Variants in CDC42BPA observed in about 807,000 individuals in gnomAD.
CDC42BPA encodes CDC42 binding protein kinase alpha.
CDC42BPA carries 80 observed loss-of-function variants against 223.5 expected under a neutral mutation model. The observed-to-expected ratio is 0.36, with a 90% CI of 0.30 to 0.43. The LOEUF is 0.43. Among genes scored for constraint, CDC42BPA ranks in the 20% least tolerant of loss-of-function variants. CDC42BPA has a pLI of 1.00. For synonymous variants in CDC42BPA, 694 were observed against 718.6 expected, an observed-to-expected ratio of 0.97 and a Z score of 0.55; for missense variants, 1,743 against 2,099.9, an observed-to-expected ratio of 0.83 and a Z score of 3.32.
In CDC42BPA at chr1:227,068,722, T is replaced by TA. The variant is rs759330013; in HGVS notation, c.2904+1054dup. 6.9e-5 allele frequency: 73 copies of TA among 1,052,508 alleles called. No individual in the cohort carries two copies. The African/African-American group carries it at 9.4e-4, about 14-fold the overall frequency. The allele number at this position is 1,052,508 out of a possible 1,614,324, so 65.2% of individuals were successfully genotyped here. A position where few individuals can be genotyped will look rare whatever the true frequency, so the allele number is the denominator to read the frequency against. ...GAATCCTATTTAACGAATACAGCAA[T>TA]AAAAAAATAGAAAATATGGATGAAG... On this transcript the variant is annotated intron_variant, in intron 21 of 36. Coordinates refer to ENST00000366766, the MANE Select transcript of CDC42BPA (RefSeq NM_001394014.1).
intron 1 of CDC42BPA, among the ~76,000 whole-genome samples, chr1:227,307,256 G>A (rs1161323865): frequency 1.3e-5 from 2 of 152,170 alleles, no homozygotes; most frequent in African/African-American, 4.8e-5. Flanking sequence ...ATATTGCTTA[G>A]ATGACATAAA....
intron 17 of CDC42BPA, among the ~76,000 whole-genome samples, chr1:227,074,871 A>G (rs1417696156): frequency 6.6e-6 from 1 of 152,162 alleles, no homozygotes; most frequent in Non-Finnish European, 1.5e-5. Flanking sequence ...CAATAAAATA[A>G]CAAAGAGGGA....
chr1:227,264,646 C>A, intron 1 of CDC42BPA: 1 of 537,272 alleles, frequency 1.9e-6, no homozygotes, highest in South Asian at 2.4e-5. Flanking sequence ...ATTAATGTTG[C>A]CCTAAGTTTT....
At chr1:227,002,770 C>T (rs558478442) in intron 35 of CDC42BPA, among the ~76,000 whole-genome samples, 185 of 152,276 alleles carry the variant, frequency 1.2e-3, no homozygotes, top group South Asian at 3.7e-3. Flanking sequence ...GGAACTCAGA[C>T]GTGTCCACAA....
chr1:227,051,671 G>T (rs1673546359), intron 22 of CDC42BPA, among the ~76,000 whole-genome samples: 1 of 152,052 alleles, frequency 6.6e-6, no homozygotes, highest in Non-Finnish European at 1.5e-5. Context: ...TTTCTAGTTA[G>T]TTTTGTCTAT....
At chr1:227,008,077 A>T (rs941048270) in intron 34 of CDC42BPA, among the ~76,000 whole-genome samples, 21 of 152,170 alleles carry the variant, frequency 1.4e-4, no homozygotes, top group African/African-American at 4.6e-4. Context: ...ATAATTTCTT[A>T]TACTGACTGT....
chr1:227,109,514 C>A (rs532109505), intron 14 of CDC42BPA, among the ~76,000 whole-genome samples: 2 of 151,994 alleles, frequency 1.3e-5, no homozygotes, highest in African/African-American at 4.8e-5. Flanking sequence ...TACAGGCATG[C>A]GCCACCACGT....
rs1192991912 is a variant in CDC42BPA at position 227,317,320 on chromosome 1, G to C, written c.-138C>G. On this transcript the variant is annotated 5_prime_UTR_variant, in exon 1 of 37. It introduces an in-frame stop codon into an upstream open reading frame of the 5' UTR. Transcript: ENST00000366766. ...ACAACTGTCATGCAATGCTGGTGCTGAATTAAACATCCAACACACCAGTAA... is the reference window on the plus strand; with the variant it reads ...ACAACTGTCATGCAATGCTGGTGCTCAATTAAACATCCAACACACCAGTAA... 1.6e-5 allele frequency: 13 copies of C among 829,504 alleles called. No homozygotes were observed. The East Asian group carries it at 3.5e-4, about 22-fold the overall frequency. 51.4% of individuals were successfully genotyped at this position (829,504 alleles called of 1,614,324 possible).
chr1:227,044,268 C>T (rs1385238325), intron 23 of CDC42BPA, among the ~76,000 whole-genome samples: 8 of 152,084 alleles, frequency 5.3e-5, no homozygotes, highest in Admixed American at 5.2e-4. Flanking sequence ...GTAAACATTG[C>T]AGATATCTTC....
intron 16 of CDC42BPA, among the ~76,000 whole-genome samples, chr1:227,088,279 C>T (rs1488782931): frequency 2.0e-5 from 3 of 152,048 alleles, no homozygotes; most frequent in African/African-American, 7.2e-5. Context: ...GAAGTAATTC[C>T]AAAGATGACC....
In CDC42BPA at chr1:227,168,497, G is replaced by GTT. The variant is rs1292387936; in HGVS notation, c.600-7863_600-7862dup. The stretch of plus-strand genomic sequence containing the variant: ...CTTTTTCATATTTATCTTCCCTGGT[G>GTT]TTTTTTTTTTTTTTTTGAGGCAGAG... On this transcript the variant is annotated intron_variant, in intron 5 of 36. Transcript: ENST00000366766. Among the ~76,000 whole-genome samples the GTT allele has an allele frequency of 8.1e-4, 65 of 80,212 alleles. 7 individuals are homozygous for GTT. The highest frequency in any genetic ancestry group is 3.6e-3 in the South Asian group (8 of 2,230). 52.6% of individuals were successfully genotyped at this position (80,212 alleles called of 152,430 possible).
chr1:227,204,143 T>A (rs1348242426), intron 3 of CDC42BPA, among the ~76,000 whole-genome samples: 1 of 152,180 alleles, frequency 6.6e-6, no homozygotes, highest in Non-Finnish European at 1.5e-5. Context: ...AGAACAACAT[T>A]TTTCATTTTT....
At chr1:227,125,060 G>GT in intron 11 of CDC42BPA, among the ~76,000 whole-genome samples, 1 of 152,180 alleles carries the variant, frequency 6.6e-6, no homozygotes, top group South Asian at 2.1e-4. Flanking sequence ...AAAGAAGATG[G>GT]TAACCCATAA....
intron 1 of CDC42BPA, among the ~76,000 whole-genome samples, chr1:227,300,375 T>C (rs190610377): frequency 6.6e-5 from 10 of 152,282 alleles, no homozygotes; most frequent in South Asian, 2.1e-4. Context: ...CATATGTTTA[T>C]TGCAACACAA....
intron 1 of CDC42BPA, among the ~76,000 whole-genome samples, chr1:227,300,719 A>G (rs1691483854): frequency 6.6e-6 from 1 of 152,212 alleles, no homozygotes; most frequent in African/African-American, 2.4e-5. Context: ...TATATTGGGT[A>G]AAATGTACAG....
rs754729863 is a variant in CDC42BPA, at chr1:227,051,976, C to A, written c.2914G>T (p.Val972Phe). The A allele has an allele frequency of 4.4e-6, 6 of 1,365,214 alleles. No individual in the cohort carries two copies. Among genetic ancestry groups the A allele is most frequent in the East Asian group, 4.5e-5 (1 of 21,998 alleles). 84.6% of individuals were successfully genotyped at this position (1,365,214 alleles called of 1,614,324 possible). Residue 972 changes from valine (V) to phenylalanine (F), a missense_variant, in exon 22 of 37, where the codon GTT (valine) becomes TTT (phenylalanine). Val to Phe is a conservative substitution (Grantham distance 50). Around this residue, in one of 6 missense-constraint regions of CDC42BPA, gnomAD observed 678 missense variants for 777.5 expected, o/e 0.87. Transcript: ENST00000366766. Reference sequence around the variant, plus strand: ...GGGTTCCATACATATGTGTTCTCAACGGGATCAGTCTAGGAAAATAAGTCG... The same window carrying A: ...GGGTTCCATACATATGTGTTCTCAAAGGGATCAGTCTAGGAAAATAAGTCG... The part of the protein sequence containing the change: ...DALDQFETDP[V>F]ENTYVWNPSV...
intron 10 of CDC42BPA, among the ~76,000 whole-genome samples, chr1:227,132,879 G>A: frequency 6.6e-6 from 1 of 151,198 alleles, no homozygotes; most frequent in Non-Finnish European, 1.5e-5. Flanking sequence ...GAGAAGTGAG[G>A]AGACCCTCTG....
chr1:227,252,228 A>G (rs1177000940), intron 2 of CDC42BPA, among the ~76,000 whole-genome samples: 1 of 152,150 alleles, frequency 6.6e-6, no homozygotes, highest in African/African-American at 2.4e-5. Context: ...AAGTTAATTC[A>G]TGGAAAAGAT....
intron 1 of CDC42BPA, among the ~76,000 whole-genome samples, chr1:227,297,148 A>G (rs1203327940): frequency 6.6e-6 from 1 of 152,210 alleles, no homozygotes; most frequent in Admixed American, 6.5e-5. Flanking sequence ...CATTTCTCCA[A>G]AGAAGATATA....
Sources: gnomAD v4.1 joint callset for allele counts (sites outside exome capture counted in the v4.1 genomes callset) on GRCh38, gnomAD v4.1.1 for gene constraint, gnomAD v4.1.1 regional missense constraint, MANE v1.5 for transcripts, NCBI Gene and HGNC (gene_info 2026-07-23, HGNC 2026-07-21) for gene names.